The following SLC11A2 variants were observed in gnomAD, a reference collection of about 807,000 sequenced individuals.
SLC11A2 encodes natural resistance-associated macrophage protein 2.
Under a neutral mutation model 68.0 loss-of-function variants are expected in SLC11A2, and 38 were observed. That is an observed-to-expected ratio of 0.56 (90% CI 0.43 to 0.73). The LOEUF (loss-of-function observed/expected upper bound fraction) is 0.73. SLC11A2 is among the 30% of genes least tolerant of loss of function. The pLI is 0.00. For synonymous variants in SLC11A2, 242 were observed against 250.6 expected (o/e 0.97, Z 0.32); for missense variants, 517 against 690.5 (o/e 0.75, Z 2.82).
At chr12:51,026,215 G>A in intron 1 of SLC11A2, 95 bp downstream of exon 1, 1 of 1,210,106 alleles carries the variant, frequency 8.3e-7, no homozygotes, top group Non-Finnish European at 1.1e-6. Context: ...TCCTAGCCCC[G>A]GAGCCTGACC....
chr12:50,966,314 AG>A, the SLC11A2 span, among the ~76,000 whole-genome samples: 1 of 152,190 alleles, frequency 6.6e-6, no homozygotes, highest in African/African-American at 2.4e-5. Context: ...GGAGTGGGTA[AG>A]CAGGATAAAT....
At chr12:50,974,144 C>G in the SLC11A2 span, among the ~76,000 whole-genome samples, 2 of 152,110 alleles carry the variant, frequency 1.3e-5, no homozygotes, top group Non-Finnish European at 2.9e-5. Flanking sequence ...GAGAATGCCA[C>G]AAAGATACTC....
chr12:51,021,682 A>T (rs1217872807), intron 1 of SLC11A2, among the ~76,000 whole-genome samples: 2 of 152,202 alleles, frequency 1.3e-5, no homozygotes, highest in Non-Finnish European at 2.9e-5. Flanking sequence ...GCTGTTTCTC[A>T]CCTGAGCTGG....
intron 1 of SLC11A2, among the ~76,000 whole-genome samples, chr12:51,023,904 T>A (rs1288115517): frequency 1.3e-5 from 2 of 151,852 alleles, no homozygotes; most frequent in African/African-American, 4.8e-5. Context: ...GGCAGGAGAA[T>A]CACTTGAGCC....
At chr12:51,001,751 C>T (rs1942264220) in intron 5 of SLC11A2, among the ~76,000 whole-genome samples, 1 of 151,856 alleles carries the variant, frequency 6.6e-6, no homozygotes, top group South Asian at 2.1e-4. Flanking sequence ...GGAGGACAGC[C>T]TAAGCCCCAG....
chr12:50,976,375 G>A (rs1248818080), downstream of SLC11A2, among the ~76,000 whole-genome samples: 9 of 152,126 alleles, frequency 5.9e-5, no homozygotes, highest in Non-Finnish European at 1.2e-4. Flanking sequence ...CATATAAACA[G>A]AACCAATGAC....
downstream of SLC11A2, chr12:50,979,663 C>A (rs1210082838): frequency 2.8e-6 from 1 of 362,864 alleles, no homozygotes; most frequent in East Asian, 7.3e-5. Context: ...GCAGGGTTGG[C>A]TGCTCTCATT....
the SLC11A2 span, among the ~76,000 whole-genome samples, chr12:50,967,273 A>G: frequency 6.6e-6 from 1 of 152,196 alleles, no homozygotes; most frequent in South Asian, 2.1e-4. Context: ...TCATTCCCAC[A>G]GAGCTGGGAC....
At chr12:51,018,193 G>T (rs140768144) in intron 1 of SLC11A2, among the ~76,000 whole-genome samples, 1 of 152,172 alleles carries the variant, frequency 6.6e-6, no homozygotes, top group African/African-American at 2.4e-5. Context: ...TCAGGAGGTC[G>T]AGACCAGCCT....
intron 8 of SLC11A2, 95 bp downstream of exon 8, chr12:50,999,079 T>C (rs891998548): frequency 8.4e-6 from 9 of 1,066,222 alleles, no homozygotes; most frequent in Admixed American, 6.2e-5. Context: ...AAGTGAATCA[T>C]ACTAGCATTA....
chr12:50,964,568 T>C, the SLC11A2 span, among the ~76,000 whole-genome samples: 1 of 152,202 alleles, frequency 6.6e-6, no homozygotes, highest in South Asian at 2.1e-4. Context: ...CCCTGCAGAC[T>C]AGATTATGAC....
chr12:51,009,439 C>T, intron 2 of SLC11A2: 1 of 277,040 alleles, frequency 3.6e-6, no homozygotes, highest in Non-Finnish European at 5.5e-6. Context: ...TAGTTTGCTT[C>T]AGCCATCAAA....
chr12:50,991,333 T>C (rs1362867444), intron 14 of SLC11A2, among the ~76,000 whole-genome samples: 14 of 152,214 alleles, frequency 9.2e-5, no homozygotes, highest in Admixed American at 9.2e-4. Flanking sequence ...TAACAAAGAA[T>C]TAAGGTGCCT....
At chr12:50,992,735 A>G in intron 12 of SLC11A2, 75 bp downstream of exon 12, 1 of 1,395,752 alleles carries the variant, frequency 7.2e-7, no homozygotes, top group East Asian at 2.4e-5. Flanking sequence ...CATCTCAAAA[A>G]AAAAAAAAAA....
At chr12:50,952,589 C>T in the SLC11A2 span, among the ~76,000 whole-genome samples, 1 of 152,166 alleles carries the variant, frequency 6.6e-6, no homozygotes, top group African/African-American at 2.4e-5. Flanking sequence ...GTCTCCACAG[C>T]CCCACTCAGG....
intron 2 of SLC11A2, 85 bp from the exon 3 acceptor site, chr12:51,008,709 G>A (rs1428632775): frequency 9.2e-7 from 1 of 1,086,674 alleles, no homozygotes; most frequent in Non-Finnish European, 1.4e-6. Flanking sequence ...AAATTAAATA[G>A]TTTAATATCT....
intron 5 of SLC11A2, among the ~76,000 whole-genome samples, chr12:51,001,848 A>G (rs1942278306): frequency 1.3e-5 from 2 of 152,098 alleles, no homozygotes; most frequent in South Asian, 4.1e-4. Flanking sequence ...ACAAACCACC[A>G]CCACAACAAC....
intron 1 of SLC11A2, among the ~76,000 whole-genome samples, chr12:51,013,248 A>G (rs146664437): frequency 1.3e-3 from 197 of 151,884 alleles, no homozygotes; most frequent in African/African-American, 4.3e-3. Flanking sequence ...TCAAGTTTCC[A>G]ATTGTGGCCC....
intron 1 of SLC11A2, among the ~76,000 whole-genome samples, chr12:51,011,707 C>T (rs772953401): frequency 1.3e-5 from 2 of 151,974 alleles, no homozygotes; most frequent in African/African-American, 2.4e-5. Flanking sequence ...AGATTACAGG[C>T]GTGTGCCACC....
Sources: gnomAD v4.1 joint callset for allele counts (sites outside exome capture counted in the v4.1 genomes callset) on GRCh38, gnomAD v4.1.1 for gene constraint, MANE v1.5 for transcripts, NCBI Gene and HGNC (gene_info 2026-07-23, HGNC 2026-07-21) for gene names.